Variants in GRID2 observed in about 807,000 individuals in gnomAD.
GRID2 encodes the protein glutamate receptor ionotropic, delta-2.
A neutral mutation model predicts 114.8 loss-of-function variants in GRID2; 33 were observed. That is an observed-to-expected ratio of 0.29 (90% CI 0.22 to 0.38). The LOEUF is 0.38. Among genes scored for constraint, GRID2 ranks in the 10% least tolerant of loss-of-function variants. GRID2 has a pLI of 1.00. For missense variants in GRID2, 1,184 were observed against 1,257.7 expected, an observed-to-expected ratio of 0.94 and a Z score of 0.89; for synonymous variants, 505 against 449.9, an observed-to-expected ratio of 1.12 and a Z score of -1.55.
intron 8 of GRID2, among the ~76,000 whole-genome samples, chr4:93,278,106 C>T (rs1752254116): frequency 6.6e-6 from 1 of 151,724 alleles, no homozygotes; most frequent in South Asian, 2.1e-4. Context: ...TATGGTCCTA[C>T]CAAATTTTAC....
At chr4:92,715,120 G>T (rs1200019894) in intron 2 of GRID2, among the ~76,000 whole-genome samples, 2 of 152,138 alleles carry the variant, frequency 1.3e-5, no homozygotes, top group South Asian at 2.1e-4. Flanking sequence ...GTGCTGCTTA[G>T]AAATTTCTTC....
At chr4:93,521,942 T>A (rs980294950) in intron 13 of GRID2, among the ~76,000 whole-genome samples, 3 of 151,830 alleles carry the variant, frequency 2.0e-5, no homozygotes, top group African/African-American at 7.3e-5. Context: ...GTTTCTGGAG[T>A]AGGATGTCAG....
At chr4:92,496,883 C>A (rs1416867580) in intron 1 of GRID2, among the ~76,000 whole-genome samples, 2 of 151,572 alleles carry the variant, frequency 1.3e-5, no homozygotes, top group Non-Finnish European at 3.0e-5. Context: ...AAAAAAATTA[C>A]TTAATTTATA....
intron 2 of GRID2, among the ~76,000 whole-genome samples, chr4:92,611,056 A>G (rs1179515325): frequency 6.8e-6 from 1 of 146,604 alleles, no homozygotes; most frequent in African/African-American, 2.5e-5. Context: ...CTGTATATAT[A>G]TATGTGTGTG....
intron 8 of GRID2, among the ~76,000 whole-genome samples, chr4:93,253,445 TTTA>T (rs1212670926): frequency 1.3e-5 from 2 of 152,128 alleles, no homozygotes; most frequent in East Asian, 3.9e-4. Context: ...TTAAATAAAA[TTTA>T]TTGCTACTTA....
chr4:93,726,682 C>A (rs918051565), intron 14 of GRID2, among the ~76,000 whole-genome samples: 4 of 152,104 alleles, frequency 2.6e-5, no homozygotes, highest in Admixed American at 1.3e-4. Flanking sequence ...TTGTAGTTCT[C>A]CTTGAAGAGG....
At chr4:93,288,833 A>G (rs1404469253) in intron 8 of GRID2, among the ~76,000 whole-genome samples, 1 of 152,060 alleles carries the variant, frequency 6.6e-6, no homozygotes, top group Non-Finnish European at 1.5e-5. Flanking sequence ...CTTAATTTTT[A>G]TGTTTTCCCT....
intron 1 of GRID2, among the ~76,000 whole-genome samples, chr4:92,550,574 A>G (rs1179544857): frequency 6.6e-6 from 1 of 152,164 alleles, no homozygotes; most frequent in Non-Finnish European, 1.5e-5. Context: ...CTCTAAAAAT[A>G]TTCAGACTGG....
At chr4:93,662,025 C>T (rs72873052) in intron 14 of GRID2, among the ~76,000 whole-genome samples, 6,647 of 152,278 alleles carry the variant, frequency 0.044, 481 homozygotes, top group African/African-American at 0.15. Flanking sequence ...CCCCCCAACC[C>T]TTGCTCATTC....
At chr4:93,675,803 A>G (rs1560890033) in intron 14 of GRID2, among the ~76,000 whole-genome samples, 1 of 152,224 alleles carries the variant, frequency 6.6e-6, no homozygotes, top group Non-Finnish European at 1.5e-5. Context: ...TAGAATATAT[A>G]TGTTATTTTT....
chr4:92,925,336 C>T (rs549601958), intron 2 of GRID2, among the ~76,000 whole-genome samples: 1 of 152,046 alleles, frequency 6.6e-6, no homozygotes, highest in Admixed American at 6.6e-5. Flanking sequence ...AGGTGTCACT[C>T]ATGTCAAGAA....
chr4:93,598,844 G>C (rs1739380399), intron 13 of GRID2, among the ~76,000 whole-genome samples: 1 of 152,132 alleles, frequency 6.6e-6, no homozygotes. Flanking sequence ...GTGCAGAGAA[G>C]AGATTGAAGC....
chr4:92,706,331 ATTT>A (rs1009204306), intron 2 of GRID2, among the ~76,000 whole-genome samples: 2 of 152,166 alleles, frequency 1.3e-5, no homozygotes, highest in African/African-American at 4.8e-5. Flanking sequence ...AAGCTCACCT[ATTT>A]TTAAAGTTTT....
At chr4:92,633,860 A>ATT (rs112371241) in intron 2 of GRID2, among the ~76,000 whole-genome samples, 1,461 of 144,864 alleles carry the variant, frequency 0.01, 25 homozygotes, top group African/African-American at 0.034. Context: ...GCATTCTACT[A>ATT]TTTTTTTTTT....
At chr4:93,491,418 T>C (rs556193963) in intron 12 of GRID2, among the ~76,000 whole-genome samples, 196 of 151,978 alleles carry the variant, frequency 1.3e-3, no homozygotes, top group African/African-American at 4.6e-3. Flanking sequence ...AGCCAGTGTC[T>C]CAATTCACAA....
chr4:92,697,706 G>GA (rs983847236), intron 2 of GRID2, among the ~76,000 whole-genome samples: 13 of 151,942 alleles, frequency 8.6e-5, no homozygotes, highest in South Asian at 6.2e-4. Flanking sequence ...CAAAAAAATA[G>GA]AAAAAAAGAC....
At chr4:93,314,812 T>G in intron 8 of GRID2, among the ~76,000 whole-genome samples, 1 of 152,096 alleles carries the variant, frequency 6.6e-6, no homozygotes, top group East Asian at 1.9e-4. Flanking sequence ...TCAAGTTAGT[T>G]AACACATCTA....
chr4:93,252,536 G>T (rs1421449631), intron 8 of GRID2, among the ~76,000 whole-genome samples: 1 of 151,972 alleles, frequency 6.6e-6, no homozygotes, highest in African/African-American at 2.4e-5. Context: ...GCTTAGGATT[G>T]TCTTGACCAT....
At chr4:93,224,827 T>A (rs752197003) in intron 7 of GRID2, 52 bp downstream of exon 7, 5 of 1,316,802 alleles carry the variant, frequency 3.8e-6, no homozygotes, top group Admixed American at 4.1e-5. Flanking sequence ...TTATTTGACA[T>A]ATTTTAGAAA....
Sources: allele counts gnomAD v4.1 joint callset (sites outside exome capture counted in the v4.1 genomes callset), GRCh38; gene constraint gnomAD v4.1.1; transcripts MANE v1.5; gene names NCBI Gene and HGNC (gene_info 2026-07-23, HGNC 2026-07-21).